CKAP2L: variants seen among roughly 807,000 people sequenced by gnomAD.
CKAP2L encodes cytoskeleton-associated protein 2-like.
A neutral mutation model predicts 65.7 loss-of-function variants in CKAP2L; 42 were observed. The observed-to-expected ratio is 0.64, with a 90% CI of 0.50 to 0.83. CKAP2L has a LOEUF of 0.83. Ranked by LOEUF, CKAP2L falls within the 40% of genes least tolerant of loss-of-function variation. The pLI, the probability that CKAP2L is intolerant of heterozygous loss-of-function variation, is 0.00. For missense variants in CKAP2L, 908 were observed against 871.0 expected (o/e 1.04, Z -0.53); for synonymous variants, 325 against 313.5 (o/e 1.04, Z -0.39).
At position 112,738,393 on chromosome 2, in the gene CKAP2L, G is replaced by T; in HGVS notation, c.*430C>A. ...GGGTTTTGACTTGGCCATCTGTCAAGGTCCATTCAGCCTGTCAAGCTAGCG... is the reference window on the plus strand; with the variant it reads ...GGGTTTTGACTTGGCCATCTGTCAATGTCCATTCAGCCTGTCAAGCTAGCG... On this transcript the variant is annotated 3_prime_UTR_variant, in exon 9 of 9. Transcript: ENST00000302450. The T allele has an allele frequency of 5.8e-6, 1 of 172,424 alleles. No homozygotes were observed. The highest frequency in any genetic ancestry group is 1.2e-5 in the Non-Finnish European group (1 of 80,420). 10.7% of individuals were successfully genotyped at this position (172,424 alleles called of 1,614,324 possible).
At chr2:112,755,024 A>C (rs979493734) in intron 4 of CKAP2L, among the ~76,000 whole-genome samples, 4 of 152,348 alleles carry the variant, frequency 2.6e-5, no homozygotes, top group Middle Eastern at 3.4e-3. Flanking sequence ...CAGGAGGGCA[A>C]GGAGCTTGGT....
rs116151842 is a variant in CKAP2L, at chr2:112,754,186, A to T, written c.1395-1712T>A. ...CACTAATTCCCTCATGCTCCTTGGT[A>T]GTCAGTCTCACCCCTAACGCCCCCC... On this transcript the variant is annotated intron_variant, in intron 4 of 8. Transcript: ENST00000302450. Among the ~76,000 whole-genome samples, 997 of 152,288 alleles carry T rather than the reference A, an allele frequency of 6.5e-3. 10 individuals carry two copies. The highest frequency in any genetic ancestry group is 0.023 in the African/African-American group (946 of 41,552).
intron 5 of CKAP2L, among the ~76,000 whole-genome samples, chr2:112,751,040 T>C (rs1680358713): frequency 1.3e-5 from 2 of 152,172 alleles, no homozygotes; most frequent in Admixed American, 6.5e-5. Context: ...ACTCAAGATA[T>C]ATGAACTCTA....
Position 112,746,555 on chromosome 2 carries a change from T to C in CKAP2L, c.1623A>G (p.Ile541Met). 6.2e-7 allele frequency: 1 copy of C among 1,611,138 alleles called. No individual in the cohort carries two copies. Among genetic ancestry groups the C allele is most frequent in the Non-Finnish European group, 8.5e-7 (1 of 1,177,892 alleles). Residue 541 changes from isoleucine to methionine, a missense_variant, in exon 6 of 9, where the codon ATA becomes ATG. By Grantham distance (10) the Ile-to-Met change is conservative. Coordinates refer to ENST00000302450, the MANE Select transcript of CKAP2L (RefSeq NM_152515.5). ...CAGGAATGCTGGACAATATGTTAAGTATTTCATTAGAAGGTACACCCTGAA... is the reference window on the plus strand; with the variant it reads ...CAGGAATGCTGGACAATATGTTAAGCATTTCATTAGAAGGTACACCCTGAA... Reference protein sequence around the residue: ...LIEGGVPSNEILNILSSIPEA... With the variant: ...LIEGGVPSNEMLNILSSIPEA...
In CKAP2L at chr2:112,756,486, T is replaced by C. The variant is rs758748773; in HGVS notation, c.885A>G (p.Pro295=). Residue 295 remains proline (P), a synonymous_variant, in exon 4 of 9, where the codon CCA becomes CCG. Transcript: ENST00000302450. ...TTATATCTTTGATGTTCTTGACTAC[T>C]GGTTTCTTTGATGACTGAACTTTAC... is the stretch of plus-strand genomic sequence containing the variant. ...TLSKVQSSKK[P]VVKNIKDIKV... The C allele has an allele frequency of 1.9e-6, 3 of 1,609,636 alleles. No individual in the cohort carries two copies. The highest frequency in any genetic ancestry group is 2.5e-6 in the Non-Finnish European group (3 of 1,178,554).
chr2:112,746,477 A>G lies in CKAP2L; in HGVS notation c.1701T>C (p.Ser567=), dbSNP rs1218595362. Residue 567 remains serine (S), a synonymous_variant, in exon 6 of 9, where the codon AGT becomes AGC. Transcript: ENST00000302450. ...FWICKAKLLA[S]KGTFDVIGLY... The stretch of plus-strand genomic sequence containing the variant: ...GCCCAATAACATCAAAGGTGCCTTT[A>G]CTTGCCAACAACTTTGCTTTGCAGA... 6.2e-7 allele frequency: 1 copy of G among 1,613,436 alleles called. No homozygotes were observed. The highest frequency in any genetic ancestry group is 1.1e-5 in the South Asian group (1 of 91,050).
intron 8 of CKAP2L, among the ~76,000 whole-genome samples, 173 bp downstream of exon 8, chr2:112,740,645 G>A (rs1679865648): frequency 6.6e-6 from 1 of 152,162 alleles, no homozygotes; most frequent in Non-Finnish European, 1.5e-5. Flanking sequence ...AGAGTGAAAA[G>A]GTAGGCGAGA....
intron 6 of CKAP2L, among the ~76,000 whole-genome samples, chr2:112,744,815 TGTG>T (rs1254346537): frequency 2.0e-5 from 3 of 152,348 alleles, no homozygotes; most frequent in African/African-American, 7.2e-5. Context: ...GCCCCATCCA[TGTG>T]TCTCGGGCTT....
intron 4 of CKAP2L, among the ~76,000 whole-genome samples, chr2:112,755,346 G>A (rs1680497493): frequency 6.6e-6 from 1 of 152,154 alleles, no homozygotes; most frequent in African/African-American, 2.4e-5. Flanking sequence ...CTCCATGTTG[G>A]TCAGGCTGGT....
intron 4 of CKAP2L, among the ~76,000 whole-genome samples, chr2:112,753,971 CCACTA>C (rs1185400668): frequency 6.6e-6 from 1 of 152,214 alleles, no homozygotes; most frequent in Non-Finnish European, 1.5e-5. Flanking sequence ...TCTGTCTCCT[CCACTA>C]GAGTGTAAGC....
rs367863201 is a variant in CKAP2L at position 112,738,992 on chromosome 2, G to A, written c.2069C>T (p.Ser690Leu). 3.7e-6 allele frequency: 6 copies of A among 1,614,172 alleles called. No homozygotes were observed. The highest frequency in any genetic ancestry group is 3.3e-5 in the Admixed American group (2 of 60,012). ...GGACACTGCTCGCTCAATCCTCGAC[G>A]AACGCCGTACAGGAGTGATAAATTT... is the stretch of plus-strand genomic sequence containing the variant. ...DMKFITPVRR[S>L]SRIERAVSRY... is the part of the protein sequence containing the mutation. The change falls in exon 9 of 9, where the codon TCG becomes TTG. Residue 690 changes from serine (S) to leucine (L), a missense_variant. By Grantham distance (145) the Ser-to-Leu change is moderately radical (BLOSUM62 -2). Transcript: ENST00000302450.
At chr2:112,743,394 G>C (rs1389972004) in intron 6 of CKAP2L, among the ~76,000 whole-genome samples, 1 of 151,780 alleles carries the variant, frequency 6.6e-6, no homozygotes, top group African/African-American at 2.4e-5. Flanking sequence ...CACCCGCCTC[G>C]GCCTCCCAAA....
intron 5 of CKAP2L, among the ~76,000 whole-genome samples, chr2:112,751,231 C>T (rs748686498): frequency 1.1e-4 from 16 of 152,122 alleles, no homozygotes; most frequent in Admixed American, 2.0e-4. Context: ...ACTCATCTGC[C>T]TAAGTCAGCA....
intron 1 of CKAP2L, chr2:112,764,229 G>A (rs540289761): frequency 5.1e-6 from 2 of 390,976 alleles, no homozygotes; most frequent in African/African-American, 2.1e-5. Flanking sequence ...TCAAAACAGC[G>A]CGCAGCTTCC....
chr2:112,743,487 G>C (rs957338493), intron 6 of CKAP2L, among the ~76,000 whole-genome samples: 1 of 151,940 alleles, frequency 6.6e-6, no homozygotes, highest in Admixed American at 6.6e-5. Flanking sequence ...ACCCAAGCTG[G>C]AGTGCAATGG....
intron 5 of CKAP2L, among the ~76,000 whole-genome samples, chr2:112,749,466 A>G (rs1044179502): frequency 1.3e-5 from 2 of 152,234 alleles, no homozygotes; most frequent in African/African-American, 2.4e-5. Context: ...AATAGGATAT[A>G]CATTATTTTC....
At chr2:112,739,917 G>C (rs1679767711) in intron 8 of CKAP2L, among the ~76,000 whole-genome samples, 1 of 151,808 alleles carries the variant, frequency 6.6e-6, no homozygotes, top group South Asian at 2.1e-4. Context: ...GCCTACCAAA[G>C]TGACAGGATT....
Position 112,738,905 on chromosome 2 carries a change from T to A in CKAP2L, c.2156A>T (p.Glu719Val), listed in dbSNP as rs1679614804. 1.9e-6 allele frequency: 3 copies of A among 1,614,124 alleles called. No individual in the cohort carries two copies. The East Asian group carries it at 6.7e-5, about 36-fold the overall frequency. The part of the protein sequence containing the change: ...LVVASLDELL[E>V]VEETKCFIFR... ...TATAAAACATTTTGTTTCTTCCACT[T>A]CTAACAGTTCATCAAGAGAAGCCAC... The change falls in exon 9 of 9, where the codon GAA becomes GTA. Residue 719 changes from glutamate (E) to valine (V), a missense_variant. Transcript: ENST00000302450.
intron 4 of CKAP2L, among the ~76,000 whole-genome samples, chr2:112,752,808 G>A (rs186739530): frequency 1.3e-5 from 2 of 152,174 alleles, no homozygotes; most frequent in East Asian, 3.9e-4. Flanking sequence ...CTCTATTTTT[G>A]AGATGACTAA....
Sources: allele counts gnomAD v4.1 joint callset (sites outside exome capture counted in the v4.1 genomes callset), GRCh38; gene constraint gnomAD v4.1.1; transcripts MANE v1.5; gene names NCBI Gene and HGNC (gene_info 2026-07-23, HGNC 2026-07-21).